Variants in NEDD4L observed in about 807,000 individuals in gnomAD.
The protein encoded by NEDD4L is NEDD4 like E3 ubiquitin protein ligase, also known as E3 ubiquitin-protein ligase NEDD4-like.
NEDD4L carries 54 observed loss-of-function variants against 148.9 expected under a neutral mutation model. The observed-to-expected ratio is 0.36, with a 90% CI of 0.29 to 0.45. The LOEUF (loss-of-function observed/expected upper bound fraction) is 0.45. NEDD4L is among the 20% of genes least tolerant of loss of function. NEDD4L has a pLI of 1.00. For missense variants in NEDD4L, 856 were observed against 1,233.8 expected (o/e 0.69, Z 4.59); for synonymous variants, 433 against 440.7 (o/e 0.98, Z 0.22).
At chr18:58,314,726 C>T (rs2058078721) in intron 5 of NEDD4L, 1 of 152,228 alleles carries the variant, frequency 6.6e-6, no homozygotes. Context: ...GGGCTAGTCT[C>T]ATTCTTCATG....
chr18:58,062,062 T>C (rs2082360252), intron 1 of NEDD4L, among the ~76,000 whole-genome samples: 1 of 152,230 alleles, frequency 6.6e-6, no homozygotes, highest in African/African-American at 2.4e-5. Flanking sequence ...TCATTATTGG[T>C]ATTTTCAAAG....
intron 19 of NEDD4L, among the ~76,000 whole-genome samples, chr18:58,363,510 T>G (rs188578055): frequency 6.6e-6 from 1 of 152,282 alleles, no homozygotes; most frequent in East Asian, 1.9e-4. Context: ...CTCTAAGATA[T>G]TGTAAGCTAC....
intron 2 of NEDD4L, among the ~76,000 whole-genome samples, chr18:58,178,076 T>C (rs77600165): frequency 0.013 from 1,994 of 152,310 alleles, 47 homozygotes; most frequent in African/African-American, 0.045. Flanking sequence ...CAAAGGGGCA[T>C]GTGTGTGAGC....
At chr18:58,105,718 C>CCAACTCCACA (rs2085030391) in intron 1 of NEDD4L, among the ~76,000 whole-genome samples, 1 of 152,088 alleles carries the variant, frequency 6.6e-6, no homozygotes, top group Admixed American at 6.5e-5. Context: ...TGTTTTGAAG[C>CCAACTCCACA]CAACTCCACA....
intron 24 of NEDD4L, among the ~76,000 whole-genome samples, chr18:58,376,589 G>T (rs916941285): frequency 3.3e-5 from 5 of 152,058 alleles, no homozygotes; most frequent in African/African-American, 4.8e-5. Context: ...GCATTCTGCC[G>T]ATCTCTTCTC....
Position 58,195,540 on chromosome 18 carries a change from A to T in NEDD4L, c.122+29679A>T, listed in dbSNP as rs1247185474. 2.1e-5 allele frequency: 28 copies of T among 1,341,184 alleles called. No homozygotes were observed. The Admixed American group carries it at 5.5e-4, about 26-fold the overall frequency. The allele number at this position is 1,341,184 out of a possible 1,614,324, so 83.1% of individuals were successfully genotyped here. ...CCTACCTGGGCGGGAGCGGCTGCAG[A>T]GCCCTGTCCACGCGGTGCCTCCCCA... is the stretch of plus-strand genomic sequence containing the variant. On this transcript the variant is annotated intron_variant, in intron 2 of 30. Transcript: ENST00000400345.
In NEDD4L at chr18:58,382,299, G is replaced by C. The variant is rs541433453; in HGVS notation, c.2353-947G>C. Among the ~76,000 whole-genome samples, 86 of 152,248 alleles carry C rather than the reference G, an allele frequency of 5.6e-4. 1 individual carries two copies. The highest frequency in any genetic ancestry group is 1.9e-3 in the African/African-American group (77 of 41,558). On this transcript the variant is annotated intron_variant, in intron 24 of 30. Coordinates refer to ENST00000400345, the MANE Select transcript of NEDD4L (RefSeq NM_001144967.3). ...TGGAGGTGGCCTCTGCCAGGGCATA[G>C]AGTTCATCACAACATGGAACCTCCA...
In NEDD4L at chr18:58,327,526, T is replaced by C. The variant is rs1225425797; in HGVS notation, c.681-1469T>C. On this transcript the variant is annotated intron_variant, in intron 9 of 30. Transcript: ENST00000400345. ...TGAGCCAGGAAGGACACAGCAGAAC[T>C]TGGCAGAACCTGAGGAGCGCCTCCT... 2.0e-5 allele frequency among the ~76,000 whole-genome samples: 3 copies of C among 152,180 alleles called. No individual in the cohort carries two copies. In the East Asian group the frequency reaches 5.8e-4, roughly 29 times the overall value.
At chr18:58,270,114 A>AT (rs1472099806) in intron 5 of NEDD4L, among the ~76,000 whole-genome samples, 2 of 152,208 alleles carry the variant, frequency 1.3e-5, no homozygotes, top group Non-Finnish European at 2.9e-5. Context: ...TTCTCCAGGT[A>AT]ACTAAAGTAT....
At chr18:58,287,686 T>C (rs931339734) in intron 5 of NEDD4L, among the ~76,000 whole-genome samples, 1 of 152,238 alleles carries the variant, frequency 6.6e-6, no homozygotes, top group East Asian at 1.9e-4. Context: ...CTTTGCTTCC[T>C]TATGTATCGT....
At chr18:58,133,223 C>T (rs1366449406) in intron 1 of NEDD4L, among the ~76,000 whole-genome samples, 1 of 152,150 alleles carries the variant, frequency 6.6e-6, no homozygotes, top group Admixed American at 6.5e-5. Context: ...TTAAATATTA[C>T]TGTTTAACAT....
chr18:58,238,854 T>A (rs576861022), intron 2 of NEDD4L, among the ~76,000 whole-genome samples: 1 of 152,212 alleles, frequency 6.6e-6, no homozygotes, highest in South Asian at 2.1e-4. Context: ...TTAGAAAGTA[T>A]TACCTTTTTT....
chr18:58,278,996 C>T (rs1352228544), intron 5 of NEDD4L, among the ~76,000 whole-genome samples: 8 of 152,110 alleles, frequency 5.3e-5, no homozygotes, highest in African/African-American at 1.9e-4. Flanking sequence ...CTCAGCCTCC[C>T]AAGTAGCCGG....
At chr18:58,285,472 G>T (rs2053761945) in intron 5 of NEDD4L, among the ~76,000 whole-genome samples, 1 of 152,080 alleles carries the variant, frequency 6.6e-6, no homozygotes, top group Admixed American at 6.5e-5. Context: ...TGGATTACAG[G>T]CATGTGCTAC....
rs1215460699 is a variant in NEDD4L, at chr18:58,398,793, T to C, written c.*2524T>C. On this transcript the variant is annotated 3_prime_UTR_variant, in exon 31 of 31. Coordinates refer to ENST00000400345, the MANE Select transcript of NEDD4L (RefSeq NM_001144967.3). ...GAATCGTGATGACCACACCCAGTCA[T>C]CTTCACAGCATAATTGCAGGTGGCA... 2.0e-5 allele frequency: 3 copies of C among 152,240 alleles called. No homozygotes were observed. The highest frequency in any genetic ancestry group is 4.4e-5 in the Non-Finnish European group (3 of 68,042). 9.4% of individuals were successfully genotyped at this position (152,240 alleles called of 1,614,324 possible).
intron 11 of NEDD4L, 96 bp from the exon 12 acceptor site, chr18:58,333,722 C>A: frequency 2.5e-6 from 2 of 797,718 alleles, no homozygotes; most frequent in Non-Finnish European, 4.4e-6. Flanking sequence ...TATCGAAGAG[C>A]GGTGAATATG....
At chr18:58,072,903 C>CACACACAAAT (rs1327012724) in intron 1 of NEDD4L, among the ~76,000 whole-genome samples, 2 of 148,144 alleles carry the variant, frequency 1.4e-5, no homozygotes, top group African/African-American at 5.1e-5. Context: ...CACACACACA[C>CACACACAAAT]ACAAATCTTG....
At position 58,256,717 on chromosome 18, in the gene NEDD4L, C is replaced by T; in HGVS notation, c.297+4663C>T. 8.1e-7 allele frequency: 1 copy of T among 1,232,212 alleles called. No individual in the cohort carries two copies. The highest frequency in any genetic ancestry group is 1.5e-5 in the African/African-American group (1 of 64,554). 76.3% of individuals were successfully genotyped at this position (1,232,212 alleles called of 1,614,324 possible). A position where few individuals can be genotyped will look rare whatever the true frequency, so the allele number is the denominator to read the frequency against. On this transcript the variant is annotated intron_variant, in intron 5 of 30. Coordinates refer to ENST00000400345, the MANE Select transcript of NEDD4L (RefSeq NM_001144967.3). This position sits in a 1 kb window ranked among gnomAD's most constrained non-coding sequence, Gnocchi z 5.2. ...TAACCCGGGGGCCGGAAGAAGCTCC[C>T]CAGAATCCCGAGGAGAAAAGCGCCA...
At chr18:58,385,452 T>C in intron 25 of NEDD4L, 74 bp from the exon 26 acceptor site, 1 of 1,197,058 alleles carries the variant, frequency 8.4e-7, no homozygotes, top group Non-Finnish European at 1.3e-6. Context: ...GGAGAAGCAC[T>C]CCCTGTTGCG....
Sources: gnomAD v4.1 joint callset for allele counts (sites outside exome capture counted in the v4.1 genomes callset) on GRCh38, gnomAD v4.1.1 for gene constraint, Gnocchi (gnomAD v3.1) non-coding constraint, MANE v1.5 for transcripts, NCBI Gene and HGNC (gene_info 2026-07-23, HGNC 2026-07-21) for gene names.